The following AVL9 variants were observed in gnomAD, a reference collection of about 807,000 sequenced individuals.
AVL9 encodes late secretory pathway protein AVL9 homolog.
Under a neutral mutation model 79.2 loss-of-function variants are expected in AVL9, and 49 were observed. The ratio of observed to expected loss-of-function variants is 0.62; its 90% CI spans 0.49 to 0.79. AVL9 has a LOEUF of 0.79. Among genes scored for constraint, AVL9 ranks in the 30% least tolerant of loss-of-function variants. AVL9 has a pLI of 0.00. For missense variants in AVL9, 682 were observed against 776.8 expected, an observed-to-expected ratio of 0.88 and a Z score of 1.45; for synonymous variants, 299 against 280.6, an observed-to-expected ratio of 1.07 and a Z score of -0.65.
chr7:32,562,823 G>C, intron 10 of AVL9: 1 of 155,162 alleles, frequency 6.4e-6, no homozygotes, highest in Non-Finnish European at 1.4e-5. Flanking sequence ...TTGGGAGGCT[G>C]AGGCAAGAGG....
chr7:32,570,173 G>A lies in AVL9; in HGVS notation c.1350+19G>A. The A allele has an allele frequency of 6.2e-7, 1 of 1,613,860 alleles. No homozygotes were observed. The highest frequency in any genetic ancestry group is 1.7e-4 in the Middle Eastern group (1 of 6,058). On this transcript the variant is annotated intron_variant, in intron 11 of 15. Coordinates refer to ENST00000318709, the MANE Select transcript of AVL9 (RefSeq NM_015060.3). The stretch of plus-strand genomic sequence containing the variant: ...TGTGGAAGTACGTTTATGTGTGAGT[G>A]TGTGTATTTGGCCCTGCTCATCCCA...
At chr7:32,525,338 A>G (rs571283095) in intron 1 of AVL9, among the ~76,000 whole-genome samples, 1 of 152,330 alleles carries the variant, frequency 6.6e-6, no homozygotes, top group East Asian at 1.9e-4. Context: ...TTATTTTACC[A>G]AGACTTTCAC....
intron 1 of AVL9, among the ~76,000 whole-genome samples, chr7:32,514,930 A>C (rs770886245): frequency 3.9e-4 from 59 of 152,236 alleles, no homozygotes; most frequent in Non-Finnish European, 6.6e-4. Context: ...ACGGACACGC[A>C]TGAAAAATAC....
chr7:32,552,182 A>G (rs777052840), intron 5 of AVL9, 47 bp from the exon 6 acceptor site: 1 of 1,166,744 alleles, frequency 8.6e-7, no homozygotes, highest in Non-Finnish European at 1.3e-6. Flanking sequence ...TCTAATTCAG[A>G]TCTAAAATGA....
At chr7:32,514,285 G>C (rs187718105) in intron 1 of AVL9, among the ~76,000 whole-genome samples, 1 of 152,170 alleles carries the variant, frequency 6.6e-6, no homozygotes, top group Non-Finnish European at 1.5e-5. Context: ...CTTGGGCAGG[G>C]GTCCCTGCGG....
At chr7:32,551,244 G>T in intron 4 of AVL9, 90 bp from the exon 5 acceptor site, 1 of 812,776 alleles carries the variant, frequency 1.2e-6, no homozygotes. Context: ...TTAAAAAGTT[G>T]TGGGGTTCTG....
At chr7:32,523,642 A>G (rs1788273334) in intron 1 of AVL9, among the ~76,000 whole-genome samples, 1 of 148,684 alleles carries the variant, frequency 6.7e-6, no homozygotes. Flanking sequence ...CAGCCTCCGG[A>G]GTAGCTGGGA....
intron 1 of AVL9, among the ~76,000 whole-genome samples, chr7:32,500,896 G>A (rs1279031695): frequency 1.3e-5 from 2 of 152,156 alleles, no homozygotes; most frequent in Non-Finnish European, 2.9e-5. Context: ...TGTCAGGTTT[G>A]TCAAAGAGCA....
In AVL9 at chr7:32,574,613, G is replaced by C. The variant is rs112494479; in HGVS notation, c.1570+1195G>C. Among the ~76,000 whole-genome samples the C allele has an allele frequency of 8.0e-3, 1,214 of 152,158 alleles. 5 individuals are homozygous for C. The highest frequency in any genetic ancestry group is 0.01 in the Non-Finnish European group (687 of 68,020). The stretch of plus-strand genomic sequence containing the variant: ...GAACATTAAATATATGCAGGGACCA[G>C]TGTTCTGAGCACTTTACATCTAGTA... On this transcript the variant is annotated intron_variant, in intron 12 of 15. Coordinates refer to ENST00000318709, the MANE Select transcript of AVL9 (RefSeq NM_015060.3).
At position 32,583,994 on chromosome 7, in the gene AVL9, C is replaced by A; in HGVS notation, c.*87C>A. The A allele has an allele frequency of 1.1e-6, 1 of 905,362 alleles. No individual in the cohort carries two copies. Among genetic ancestry groups the A allele is most frequent in the Non-Finnish European group, 1.8e-6 (1 of 544,398 alleles). 56.1% of individuals were successfully genotyped at this position (905,362 alleles called of 1,614,324 possible). On this transcript the variant is annotated 3_prime_UTR_variant, in exon 16 of 16. Transcript: ENST00000318709. Reference sequence around the variant, plus strand: ...TCCCAGGCTGTTACTAGCCACAGATCCACAGCAGGGGACCATATGTCGAAC... The same window carrying A: ...TCCCAGGCTGTTACTAGCCACAGATACACAGCAGGGGACCATATGTCGAAC...
chr7:32,549,929 AAG>A (rs1789728514), intron 4 of AVL9, among the ~76,000 whole-genome samples: 1 of 29,538 alleles, frequency 3.4e-5, no homozygotes, highest in Non-Finnish European at 8.4e-5. Context: ...AAAAAAAAAA[AAG>A]AAAGAAAGAA....
rs1327957172 is a variant in AVL9, at chr7:32,524,789, A to G, written c.94-18352A>G. On this transcript the variant is annotated intron_variant, in intron 1 of 15. Coordinates refer to ENST00000318709, the MANE Select transcript of AVL9 (RefSeq NM_015060.3). ...TGGAGCATTTACTGGGGCTTATGGC[A>G]AAAGACTGTGAGTACTTCCCAGTGA... Among the ~76,000 whole-genome samples the G allele has an allele frequency of 2.6e-5, 4 of 152,304 alleles. No homozygotes were observed. In the East Asian group the frequency reaches 7.7e-4, roughly 29 times the overall value.
Position 32,540,985 on chromosome 7 carries a change from G to A in AVL9, c.94-2156G>A, listed in dbSNP as rs1345739296. On this transcript the variant is annotated intron_variant, in intron 1 of 15. Coordinates refer to ENST00000318709, the MANE Select transcript of AVL9 (RefSeq NM_015060.3). ...GGGATCTTGGCTCACTGCAAGCTCC[G>A]CCTCCCGGGTTCACGCCATTCTCCT... Among the ~76,000 whole-genome samples the A allele has an allele frequency of 3.1e-3, 420 of 137,512 alleles. 5 individuals carry two copies. Among genetic ancestry groups the A allele is most frequent in the Non-Finnish European group, 2.0e-3 (130 of 65,530 alleles). The allele number at this position is 137,512 out of a possible 152,430, so 90.2% of individuals were successfully genotyped here. A position where few individuals can be genotyped will look rare whatever the true frequency, so the allele number is the denominator to read the frequency against.
At chr7:32,527,861 C>A (rs1264745083) in intron 1 of AVL9, among the ~76,000 whole-genome samples, 1 of 151,964 alleles carries the variant, frequency 6.6e-6, no homozygotes, top group South Asian at 2.1e-4. Context: ...TGAATAGACT[C>A]CCTCCTTGGC....
chr7:32,519,295 G>A (rs1311216703), intron 1 of AVL9, among the ~76,000 whole-genome samples: 3 of 152,098 alleles, frequency 2.0e-5, no homozygotes, highest in Non-Finnish European at 2.9e-5. Context: ...GGGCGTGGTG[G>A]CAGGCACCTG....
chr7:32,525,880 GA>G (rs752434379), intron 1 of AVL9, among the ~76,000 whole-genome samples: 2 of 152,072 alleles, frequency 1.3e-5, no homozygotes, highest in East Asian at 1.9e-4. Context: ...TTTTGGGGGG[GA>G]AAAACACTGG....
At chr7:32,564,173 G>A (rs1790453637) in intron 10 of AVL9, among the ~76,000 whole-genome samples, 1 of 152,172 alleles carries the variant, frequency 6.6e-6, no homozygotes, top group Non-Finnish European at 1.5e-5. Context: ...AATAAAGCAT[G>A]TTTAGCGGAA....
chr7:32,511,662 C>G (rs1271631769), intron 1 of AVL9, among the ~76,000 whole-genome samples: 1 of 151,600 alleles, frequency 6.6e-6, no homozygotes, highest in Non-Finnish European at 1.5e-5. Flanking sequence ...GCAGGGAGTT[C>G]CGGGAGGTAG....
intron 1 of AVL9, among the ~76,000 whole-genome samples, chr7:32,524,557 C>G (rs200710296): frequency 0.017 from 610 of 35,148 alleles, 7 homozygotes; most frequent in African/African-American, 0.041. Flanking sequence ...CACACACACA[C>G]AGAGAGAAAA....
Sources: gnomAD v4.1 joint callset for allele counts (sites outside exome capture counted in the v4.1 genomes callset) on GRCh38, gnomAD v4.1.1 for gene constraint, MANE v1.5 for transcripts, NCBI Gene and HGNC (gene_info 2026-07-23, HGNC 2026-07-21) for gene names.